The following INPP4A variants were observed in gnomAD, a reference collection of about 807,000 sequenced individuals.
The protein encoded by INPP4A is inositol polyphosphate-4-phosphatase, type I, 107kD.
A neutral mutation model predicts 119.8 loss-of-function variants in INPP4A; 33 were observed. That is an observed-to-expected ratio of 0.28 (90% CI 0.21 to 0.37). The LOEUF is 0.37. Ranked by LOEUF, INPP4A falls within the 10% of genes least tolerant of loss-of-function variation. The probability of loss-of-function intolerance (pLI) is 1.00; values close to 1 mark genes in which losing one functional copy is unlikely to be tolerated. For synonymous variants in INPP4A, 496 were observed against 500.7 expected (o/e 0.99, Z 0.12); for missense variants, 956 against 1,289.9 (o/e 0.74, Z 3.97).
At chr2:98,528,918 T>C (rs183842203) in intron 4 of INPP4A, among the ~76,000 whole-genome samples, 6 of 151,348 alleles carry the variant, frequency 4.0e-5, no homozygotes, top group African/African-American at 1.5e-4. Context: ...CTACTAAAAA[T>C]ACAAAAAAAA....
chr2:98,538,881 A>G lies in INPP4A; in HGVS notation c.580-10A>G. 2 of 1,552,760 alleles carry G rather than the reference A, an allele frequency of 1.3e-6. No individual in the cohort carries two copies. Among genetic ancestry groups the G allele is most frequent in the South Asian group, 1.1e-5 (1 of 88,692 alleles). On this transcript the variant is annotated splice_polypyrimidine_tract_variant and intron_variant, in intron 8 of 24. Coordinates refer to ENST00000409851, the MANE Select transcript of INPP4A (RefSeq NM_001134225.2). ...ACAGTTTTCTTGTGCATTTCCTTAT[A>G]CATTATCAGATGGTTCTTCCTGTCG...
At chr2:98,534,627 C>G in intron 5 of INPP4A, among the ~76,000 whole-genome samples, 1 of 152,164 alleles carries the variant, frequency 6.6e-6, no homozygotes, top group African/African-American at 2.4e-5. Flanking sequence ...TGGGGTCTAA[C>G]TGTATCCTGG....
rs538681196 is a variant in INPP4A, at chr2:98,591,736, C to T, written c.*4128C>T. 1 of 152,400 alleles carries T rather than the reference C, an allele frequency of 6.6e-6. No individual in the cohort carries two copies. Among genetic ancestry groups the T allele is most frequent in the Non-Finnish European group, 1.5e-5 (1 of 68,134 alleles). The allele number at this position is 152,400 out of a possible 1,614,324, so 9.4% of individuals were successfully genotyped here. A position where few individuals can be genotyped will look rare whatever the true frequency, so the allele number is the denominator to read the frequency against. ...TAAGAGGAGCTGGAGGTTGGAGCTT[C>T]CCGATTTGTGATTTTTCCAAGAACA... is the stretch of plus-strand genomic sequence containing the variant. On this transcript the variant is annotated 3_prime_UTR_variant, in exon 25 of 25. Coordinates refer to ENST00000409851, the MANE Select transcript of INPP4A (RefSeq NM_001134225.2).
At chr2:98,485,343 T>G (rs188965454) in intron 1 of INPP4A, among the ~76,000 whole-genome samples, 1 of 152,258 alleles carries the variant, frequency 6.6e-6, no homozygotes, top group Admixed American at 6.5e-5. Context: ...CCAAATCTTG[T>G]GTACTTGCTG....
intron 6 of INPP4A, 80 bp from the exon 7 acceptor site, chr2:98,536,049 T>C (rs1690211908): frequency 1.1e-6 from 1 of 891,530 alleles, no homozygotes; most frequent in African/African-American, 1.7e-5. Flanking sequence ...AGCAGTCAGC[T>C]GGACTCTCTG....
chr2:98,490,296 C>T lies in INPP4A; in HGVS notation c.-165-28668C>T, dbSNP rs535872130. Among the ~76,000 whole-genome samples the T allele has an allele frequency of 2.6e-5, 4 of 152,156 alleles. No homozygotes were observed. The East Asian group carries it at 7.7e-4, about 29-fold the overall frequency. ...GCATCACTTGAAGGGCTGGGTGTCT[C>T]ATCCGGTTTCCTTTTTCTGAGCATG... On this transcript the variant is annotated intron_variant, in intron 1 of 24. Coordinates refer to ENST00000409851, the MANE Select transcript of INPP4A (RefSeq NM_001134225.2).
chr2:98,541,631 G>A (rs558017265), intron 10 of INPP4A, among the ~76,000 whole-genome samples: 43 of 152,258 alleles, frequency 2.8e-4, no homozygotes, highest in Admixed American at 2.5e-3. Flanking sequence ...ACCCAGGCTG[G>A]AGTGCAGTGG....
intron 1 of INPP4A, among the ~76,000 whole-genome samples, chr2:98,493,720 A>G (rs567472659): frequency 5.7e-4 from 87 of 152,246 alleles, no homozygotes; most frequent in Non-Finnish European, 1.0e-3. Flanking sequence ...GTTTAATTCT[A>G]TCTGGGGAGG....
intron 17 of INPP4A, among the ~76,000 whole-genome samples, chr2:98,561,055 G>T (rs1215343608): frequency 3.3e-5 from 5 of 152,034 alleles, no homozygotes; most frequent in African/African-American, 1.2e-4. Flanking sequence ...ATTTAATCTG[G>T]GCTAAAATAT....
intron 1 of INPP4A, among the ~76,000 whole-genome samples, chr2:98,496,822 G>A (rs1682065355): frequency 6.6e-6 from 1 of 152,206 alleles, no homozygotes; most frequent in South Asian, 2.1e-4. Flanking sequence ...TGTAAAGTGA[G>A]GAAGAAGCTT....
rs1374073696 is a variant in INPP4A, at chr2:98,593,632, G to C, written c.*6024G>C. On this transcript the variant is annotated 3_prime_UTR_variant, in exon 25 of 25. Transcript: ENST00000409851. ...TCTAAGCACCATGCCTGTCTTGCAG[G>C]CATCTCAAATACAGCATGCTCATGC... is the stretch of plus-strand genomic sequence containing the variant. The C allele has an allele frequency of 6.6e-6, 1 of 152,250 alleles. No individual in the cohort carries two copies. Among genetic ancestry groups the C allele is most frequent in the East Asian group, 1.9e-4 (1 of 5,194 alleles). The allele number at this position is 152,250 out of a possible 1,614,324, so 9.4% of individuals were successfully genotyped here.
intron 16 of INPP4A, 78 bp downstream of exon 16, chr2:98,555,886 C>T (rs930382546): frequency 8.2e-6 from 12 of 1,461,676 alleles, no homozygotes; most frequent in African/African-American, 2.8e-5. Flanking sequence ...GTCTCTGACT[C>T]CATGCCCTCC....
intron 1 of INPP4A, among the ~76,000 whole-genome samples, chr2:98,460,380 A>T (rs1226000102): frequency 6.6e-6 from 1 of 152,034 alleles, no homozygotes; most frequent in Non-Finnish European, 1.5e-5. Context: ...GGGGCAATGC[A>T]TCAGGAAGGA....
intron 1 of INPP4A, among the ~76,000 whole-genome samples, chr2:98,485,937 C>G (rs1165863399): frequency 6.6e-6 from 1 of 152,170 alleles, no homozygotes; most frequent in Non-Finnish European, 1.5e-5. Flanking sequence ...AGACACTCTT[C>G]TTTACTGCTT....
At position 98,484,109 on chromosome 2, in the gene INPP4A, T is replaced by TC. The variant is rs564517526; in HGVS notation, c.-165-34851dup. On this transcript the variant is annotated intron_variant, in intron 1 of 24. Transcript: ENST00000409851. ...CTTTCGCTTTGACCGGTGACTACCA[T>TC]CCCCTCCACTCCTGTCCCTCCCCTG... is the stretch of plus-strand genomic sequence containing the variant. 8.5e-5 allele frequency among the ~76,000 whole-genome samples: 13 copies of TC among 152,084 alleles called. No individual in the cohort carries two copies. The East Asian group carries it at 2.5e-3, about 29-fold the overall frequency.
rs750703654 is a variant in INPP4A, at chr2:98,537,949, G to A, written c.554G>A (p.Arg185Gln). 28 of 1,611,338 alleles carry A rather than the reference G, an allele frequency of 1.7e-5. No homozygotes were observed. The highest frequency in any genetic ancestry group is 7.7e-5 in the South Asian group (7 of 90,420). The change falls in exon 8 of 25, where the codon CGG (arginine) becomes CAG (glutamine). Residue 185 changes from arginine (R) to glutamine (Q), a missense_variant. Arg to Gln is a conservative substitution (Grantham distance 43, BLOSUM62 1). Around this residue, in one of 2 missense-constraint regions of INPP4A, gnomAD observed 652 missense variants for 797.9 expected, o/e 0.82. Coordinates refer to ENST00000409851, the MANE Select transcript of INPP4A (RefSeq NM_001134225.2). Reference sequence around the variant, plus strand: ...TCAGACCAACGGCCCCCTGTGACCCGGTCTGTGGACACTGTCAATGGGAGG... The same window carrying A: ...TCAGACCAACGGCCCCCTGTGACCCAGTCTGTGGACACTGTCAATGGGAGG... ...EKSDQRPPVT[R>Q]SVDTVNGRMV...
chr2:98,576,384 A>T (rs1188765168), intron 23 of INPP4A, among the ~76,000 whole-genome samples: 1 of 152,214 alleles, frequency 6.6e-6, no homozygotes, highest in African/African-American at 2.4e-5. Context: ...GTGTGCTGGC[A>T]GTAACTCTGC....
At chr2:98,528,003 A>G (rs984446542) in intron 4 of INPP4A, among the ~76,000 whole-genome samples, 13 of 152,242 alleles carry the variant, frequency 8.5e-5, no homozygotes, top group Admixed American at 3.9e-4. Context: ...AAAAGAAAGT[A>G]TGGCTCATAC....
intron 1 of INPP4A, among the ~76,000 whole-genome samples, chr2:98,458,191 T>C (rs539767616): frequency 1.3e-5 from 2 of 152,144 alleles, no homozygotes; most frequent in Admixed American, 1.3e-4. Context: ...AATTAAAAAA[T>C]TAGCTGGGCA....
Sources: allele counts gnomAD v4.1 joint callset (sites outside exome capture counted in the v4.1 genomes callset), GRCh38; gene constraint gnomAD v4.1.1; regional missense constraint gnomAD v4.1.1; transcripts MANE v1.5; gene names NCBI Gene and HGNC (gene_info 2026-07-23, HGNC 2026-07-21).